Variants in LVRN observed in about 807,000 individuals in gnomAD.
LVRN encodes the protein aminopeptidase Q.
A neutral mutation model predicts 111.4 loss-of-function variants in LVRN; 99 were observed. The ratio of observed to expected loss-of-function variants is 0.89; its 90% confidence interval spans 0.76 to 1.05. The LOEUF (loss-of-function observed/expected upper bound fraction) is 1.05, where lower values mean the gene tolerates loss of function less well. Ranked by LOEUF, LVRN falls within the 50% of genes least tolerant of loss-of-function variation. The pLI is 0.00. For synonymous variants in LVRN, 488 were observed against 449.5 expected (o/e 1.09, Z -1.08); for missense variants, 1,414 against 1,206.8 (o/e 1.17, Z -2.54).
At chr5:115,981,509 G>A (rs896671913) in intron 1 of LVRN, among the ~76,000 whole-genome samples, 3 of 151,998 alleles carry the variant, frequency 2.0e-5, no homozygotes, top group Non-Finnish European at 4.4e-5. Flanking sequence ...CTTTGATATA[G>A]GCATGGAATG....
intron 1 of LVRN, chr5:115,974,596 C>T (rs60958105): frequency 3.3e-5 from 5 of 152,910 alleles, no homozygotes; most frequent in African/African-American, 1.2e-4. Context: ...GCCATTGATG[C>T]AAACTCCTTT....
At chr5:115,970,016 C>G (rs73259347) in intron 1 of LVRN, among the ~76,000 whole-genome samples, 9,236 of 151,306 alleles carry the variant, frequency 0.061, 327 homozygotes, top group Middle Eastern at 0.1. Context: ...TTATCATGCA[C>G]ATTTTGTTGC....
intron 16 of LVRN, among the ~76,000 whole-genome samples, 158 bp downstream of exon 16, chr5:116,014,685 G>A (rs1748563184): frequency 1.3e-5 from 2 of 152,154 alleles, no homozygotes; most frequent in Non-Finnish European, 2.9e-5. Flanking sequence ...AAAAACCAGT[G>A]TTTAATGTGG....
In LVRN at chr5:115,997,332, A is replaced by G. The variant is rs183118854; in HGVS notation, c.1375-2430A>G. On this transcript the variant is annotated intron_variant, in intron 6 of 19. Transcript: ENST00000357872. ...TTAATCATCATGATATTCTATACCA[A>G]TTTATTACAATAAATAATGTTATAT... 8.8e-4 allele frequency among the ~76,000 whole-genome samples: 134 copies of G among 152,270 alleles called. 1 individual carries two copies. The highest frequency in any genetic ancestry group is 3.1e-3 in the African/African-American group (128 of 41,546).
intron 14 of LVRN, 66 bp from the exon 15 acceptor site, chr5:116,012,308 G>A (rs1748506709): frequency 1.2e-6 from 1 of 838,800 alleles, no homozygotes. Context: ...TAAATAAATA[G>A]AAACACAGTG....
At chr5:115,970,269 A>G (rs34392129) in intron 1 of LVRN, among the ~76,000 whole-genome samples, 55,852 of 151,886 alleles carry the variant, frequency 0.37, 10,976 homozygotes, top group East Asian at 0.52. Flanking sequence ...GCAATTATGG[A>G]TCTGCTTTCT....
chr5:116,022,725 C>T (rs533981282), intron 19 of LVRN, among the ~76,000 whole-genome samples: 7 of 152,288 alleles, frequency 4.6e-5, no homozygotes, highest in East Asian at 1.9e-4. Flanking sequence ...CGTCCCAGAC[C>T]GGGCTTCCCT....
chr5:115,969,400 A>G (rs1753273475), intron 1 of LVRN, among the ~76,000 whole-genome samples: 1 of 151,502 alleles, frequency 6.6e-6, no homozygotes, highest in Non-Finnish European at 1.5e-5. Context: ...TGTGTGTTTC[A>G]TTTTGGATAG....
intron 1 of LVRN, chr5:115,975,990 T>A (rs567395940): frequency 6.2e-6 from 1 of 161,254 alleles, no homozygotes; most frequent in South Asian, 2.1e-4. Flanking sequence ...CTTTTCTTTA[T>A]CTGGATTTTG....
At chr5:115,970,013 G>C (rs1003634542) in intron 1 of LVRN, among the ~76,000 whole-genome samples, 1 of 151,128 alleles carries the variant, frequency 6.6e-6, no homozygotes, top group Non-Finnish European at 1.5e-5. Context: ...GGGTTATCAT[G>C]CACATTTTGT....
At chr5:115,974,266 C>G (rs889568262) in intron 1 of LVRN, among the ~76,000 whole-genome samples, 1 of 152,076 alleles carries the variant, frequency 6.6e-6, no homozygotes, top group Non-Finnish European at 1.5e-5. Context: ...TATACATTAC[C>G]AAGTTGTTCA....
rs150403823 is a variant in LVRN at position 115,980,755 on chromosome 5, T to A, written c.696-2532T>A. Among the ~76,000 whole-genome samples, 388 of 152,222 alleles carry A rather than the reference T, an allele frequency of 2.5e-3. 1 individual carries two copies. Among genetic ancestry groups the A allele is most frequent in the Non-Finnish European group, 4.4e-3 (296 of 68,014 alleles). ...CAAAGACAATAGGCATTTGTTGGCT[T>A]TTAAAAAATACATGAGCATGTATTT... On this transcript the variant is annotated intron_variant, in intron 1 of 19. Coordinates refer to ENST00000357872, the MANE Select transcript of LVRN (RefSeq NM_173800.5).
rs763877269 is a variant in LVRN, at chr5:116,015,288, T to C, written c.2487T>C (p.Tyr829=). The stretch of plus-strand genomic sequence containing the variant: ...CAATTAAAGATGTGGTTTTATGTTA[T>C]GGCATTGCCTTGGGAAGTGATAAAG... ...PYPIKDVVLC[Y]GIALGSDKEW... is the part of the protein sequence containing the mutation. Residue 829 remains tyrosine (Y), a synonymous_variant, in exon 17 of 20, where the codon TAT becomes TAC. Coordinates refer to ENST00000357872, the MANE Select transcript of LVRN (RefSeq NM_173800.5). 16 of 1,608,610 alleles carry C rather than the reference T, an allele frequency of 9.9e-6. No homozygotes were observed. The highest frequency in any genetic ancestry group is 1.6e-4 in the Middle Eastern group (1 of 6,062).
Position 115,979,334 on chromosome 5 carries a change from C to T in LVRN, c.696-3953C>T, listed in dbSNP as rs75551083. Among the ~76,000 whole-genome samples, 380 of 152,258 alleles carry T rather than the reference C, an allele frequency of 2.5e-3. 6 individuals are homozygous for T. In the South Asian group the frequency reaches 0.026, roughly 10 times the overall value. On this transcript the variant is annotated intron_variant, in intron 1 of 19. Coordinates refer to ENST00000357872, the MANE Select transcript of LVRN (RefSeq NM_173800.5). ...TTCTAAGCCTCTCAGCCTCAGGAAA[C>T]ACTTTCACTGCTCTCTGAGGGATTC... is the stretch of plus-strand genomic sequence containing the variant.
intron 1 of LVRN, among the ~76,000 whole-genome samples, chr5:115,964,476 G>A (rs1449907356): frequency 6.6e-6 from 1 of 152,126 alleles, no homozygotes; most frequent in Non-Finnish European, 1.5e-5. Flanking sequence ...AAATAGTTTT[G>A]AAATTTTCTT....
At chr5:115,966,141 C>T (rs1254693311) in intron 1 of LVRN, among the ~76,000 whole-genome samples, 3 of 152,082 alleles carry the variant, frequency 2.0e-5, no homozygotes, top group Admixed American at 6.5e-5. Context: ...CGTACATTTG[C>T]GCAAAAACTA....
chr5:116,021,791 C>A, intron 18 of LVRN: 2 of 417,354 alleles, frequency 4.8e-6, no homozygotes, highest in Non-Finnish European at 9.3e-6. Flanking sequence ...TACTTCACAG[C>A]TATTTTAAGA....
At position 116,002,837 on chromosome 5, in the gene LVRN, A is replaced by G. The variant is rs145746383; in HGVS notation, c.1823A>G (p.Asp608Gly). The change falls in exon 11 of 20, where the codon GAC (aspartate) becomes GGC (glycine). Residue 608 changes from aspartate (D) to glycine (G), a missense_variant and splice_region_variant. Asp to Gly is a moderately conservative substitution (Grantham distance 94, BLOSUM62 -1). Coordinates refer to ENST00000357872, the MANE Select transcript of LVRN (RefSeq NM_173800.5). ...TTTTTTTATTTTCTTCCAATAAGTGACACATGGATTGTCCCTATTCTTTGG... is the reference window on the plus strand; with the variant it reads ...TTTTTTTATTTTCTTCCAATAAGTGGCACATGGATTGTCCCTATTCTTTGG... The part of the protein sequence containing the change: ...IKNRTLLTSN[D>G]TWIVPILWIK... The G allele has an allele frequency of 8.7e-5, 140 of 1,601,468 alleles. No homozygotes were observed. In the African/African-American group the frequency reaches 1.5e-3, roughly 17 times the overall value.
At chr5:116,000,083 T>C (rs1580390765) in intron 7 of LVRN, among the ~76,000 whole-genome samples, 181 bp downstream of exon 7, 1 of 152,202 alleles carries the variant, frequency 6.6e-6, no homozygotes, top group African/African-American at 2.4e-5. Context: ...CAAATATCCA[T>C]CAAGCCAATA....
Sources: allele counts gnomAD v4.1 joint callset (sites outside exome capture counted in the v4.1 genomes callset), GRCh38; gene constraint gnomAD v4.1.1; transcripts MANE v1.5; gene names NCBI Gene and HGNC (gene_info 2026-07-23, HGNC 2026-07-21).